Variants in MRPS6 observed in about 807,000 individuals in gnomAD.
MRPS6 encodes small ribosomal subunit protein bS6m.
Under a neutral mutation model 13.1 loss-of-function variants are expected in MRPS6, and 6 were observed. The ratio of observed to expected loss-of-function variants is 0.46; its 90% CI spans 0.25 to 0.91. The LOEUF (loss-of-function observed/expected upper bound fraction) is 0.91. Among genes scored for constraint, MRPS6 ranks in the 40% least tolerant of loss-of-function variants. The pLI is 0.18. For missense variants in MRPS6, 164 were observed against 155.6 expected (o/e 1.05, Z -0.29); for synonymous variants, 61 against 56.5 (o/e 1.08, Z -0.36).
intron 1 of MRPS6, chr21:34,097,502 A>G: frequency 7.1e-7 from 1 of 1,414,438 alleles, no homozygotes; most frequent in Non-Finnish European, 9.2e-7. Flanking sequence ...TAATTACAAG[A>G]CTTTATTTTC....
At chr21:34,117,610 A>T (rs959187182) in intron 1 of MRPS6, among the ~76,000 whole-genome samples, 2 of 152,168 alleles carry the variant, frequency 1.3e-5, no homozygotes, top group Admixed American at 6.6e-5. Flanking sequence ...CAGCTTGGAC[A>T]TACTTGTCTT....
chr21:34,093,955 C>T (rs1387072123), intron 1 of MRPS6, among the ~76,000 whole-genome samples: 7 of 152,108 alleles, frequency 4.6e-5, no homozygotes, highest in Non-Finnish European at 7.4e-5. Flanking sequence ...GAAAACTTTT[C>T]TCCTCCTCCC....
chr21:34,142,049 GAATA>G (rs1255356811), intron 2 of MRPS6, among the ~76,000 whole-genome samples: 2 of 152,172 alleles, frequency 1.3e-5, no homozygotes, highest in Non-Finnish European at 2.9e-5. Flanking sequence ...CAACATTAAT[GAATA>G]GTTTGGAAAA....
chr21:34,127,675 A>G (rs867910223), intron 2 of MRPS6, among the ~76,000 whole-genome samples: 2 of 152,214 alleles, frequency 1.3e-5, no homozygotes, highest in Non-Finnish European at 1.5e-5. Context: ...GCTTAAGGTT[A>G]GTCTGATATT....
chr21:34,140,877 A>C (rs570489324), intron 2 of MRPS6, among the ~76,000 whole-genome samples: 1 of 151,868 alleles, frequency 6.6e-6, no homozygotes, highest in African/African-American at 2.4e-5. Context: ...CTTGCTTTTG[A>C]TTAGTGTTTT....
chr21:34,102,080 G>A, intron 1 of MRPS6: 4 of 1,000,044 alleles, frequency 4.0e-6, no homozygotes, highest in Non-Finnish European at 4.8e-6. Flanking sequence ...GCTAGACTTG[G>A]TTAACTTAGG....
In MRPS6 at chr21:34,096,260, G is replaced by A; in HGVS notation, c.45+22515G>A. ...GCTCCAATATTGCTTACCCACGCCT[G>A]GTGATGAAGCTGGTTCCTGTGGGCC... On this transcript the variant is annotated intron_variant, in intron 1 of 2. Coordinates refer to ENST00000399312, the MANE Select transcript of MRPS6 (RefSeq NM_032476.4). The surrounding 1 kb of genome is among the most constrained non-coding windows in gnomAD (Gnocchi z 5.9). The A allele has an allele frequency of 6.2e-7, 1 of 1,614,128 alleles. No homozygotes were observed. The highest frequency in any genetic ancestry group is 8.5e-7 in the Non-Finnish European group (1 of 1,180,004).
chr21:34,091,014 T>C (rs897004386), intron 1 of MRPS6, among the ~76,000 whole-genome samples: 3 of 61,410 alleles, frequency 4.9e-5, no homozygotes, highest in African/African-American at 1.4e-4. Flanking sequence ...ACAAAAGTGA[T>C]TGTAATTCAG....
intron 1 of MRPS6, chr21:34,097,096 A>G (rs374941839): frequency 7.4e-6 from 12 of 1,613,974 alleles, no homozygotes; most frequent in African/African-American, 1.3e-5. Flanking sequence ...GCTTACTCCA[A>G]TGGGCAAGCA....
Position 34,136,333 on chromosome 21 carries a change from A to G in MRPS6, c.186-6075A>G, listed in dbSNP as rs1374479284. ...TGGCTAATTTTTGTATTTTTGGTAG[A>G]GGTAGGGTTTCACCATGTTGGTCAG... On this transcript the variant is annotated intron_variant, in intron 2 of 2. Coordinates refer to ENST00000399312, the MANE Select transcript of MRPS6 (RefSeq NM_032476.4). 2.6e-5 allele frequency among the ~76,000 whole-genome samples: 4 copies of G among 151,970 alleles called. No individual in the cohort carries two copies. In the East Asian group the frequency reaches 7.7e-4, roughly 29 times the overall value.
At chr21:34,086,010 A>C (rs1182020774) in intron 1 of MRPS6, among the ~76,000 whole-genome samples, 1 of 152,192 alleles carries the variant, frequency 6.6e-6, no homozygotes, top group African/African-American at 2.4e-5. Context: ...GTCTGTCTAC[A>C]GTTCTGGTTG....
At chr21:34,139,358 C>T (rs1468542422) in intron 2 of MRPS6, among the ~76,000 whole-genome samples, 2 of 151,976 alleles carry the variant, frequency 1.3e-5, no homozygotes, top group Non-Finnish European at 2.9e-5. Context: ...GGTATTTTTG[C>T]CTTAAATGTT....
intron 1 of MRPS6, among the ~76,000 whole-genome samples, chr21:34,108,142 A>G (rs1332717904): frequency 6.6e-6 from 1 of 152,192 alleles, no homozygotes; most frequent in African/African-American, 2.4e-5. Flanking sequence ...GGTGTAAACA[A>G]ACTCTGCTGC....
At position 34,118,901 on chromosome 21, in the gene MRPS6, C is replaced by G. The variant is rs73899976; in HGVS notation, c.46-6440C>G. On this transcript the variant is annotated intron_variant, in intron 1 of 2. Coordinates refer to ENST00000399312, the MANE Select transcript of MRPS6 (RefSeq NM_032476.4). ...TTAAATTTTAATAAGTGTTTTCTAT[C>G]TTTGACCTTTACAAAGCCTATAAAG... Among the ~76,000 whole-genome samples the G allele has an allele frequency of 4.3e-3, 656 of 152,208 alleles. 6 individuals carry two copies. The highest frequency in any genetic ancestry group is 0.015 in the African/African-American group (610 of 41,530).
chr21:34,105,019 T>G, intron 1 of MRPS6: 2 of 1,000,220 alleles, frequency 2.0e-6, no homozygotes, highest in Non-Finnish European at 2.4e-6. Context: ...TCTCTAACTT[T>G]TGAGTGGCAA....
intron 2 of MRPS6, among the ~76,000 whole-genome samples, chr21:34,130,877 T>C (rs1238326721): frequency 6.6e-6 from 1 of 151,916 alleles, no homozygotes; most frequent in East Asian, 1.9e-4. Context: ...AGCAACTTCA[T>C]AGAAGTGGTG....
At chr21:34,100,457 A>T in intron 1 of MRPS6, 1 of 1,000,268 alleles carries the variant, frequency 1.0e-6, no homozygotes, top group Non-Finnish European at 1.2e-6. Context: ...TTAGAGAAGC[A>T]TCAAGCAATA....
At position 34,137,486 on chromosome 21, in the gene MRPS6, A is replaced by AT. The variant is rs201949256; in HGVS notation, c.186-4914dup. On this transcript the variant is annotated intron_variant, in intron 2 of 2. Coordinates refer to ENST00000399312, the MANE Select transcript of MRPS6 (RefSeq NM_032476.4). Reference sequence around the variant, plus strand: ...CAATCCTGCTAAACTCATTAGTTCTATTTTTTTTATAGATTTCTTAATACT... The same window carrying AT: ...CAATCCTGCTAAACTCATTAGTTCTATTTTTTTTTATAGATTTCTTAATACT... Among the ~76,000 whole-genome samples the AT allele has an allele frequency of 8.5e-4, 129 of 152,072 alleles. 1 individual carries two copies. Among genetic ancestry groups the AT allele is most frequent in the African/African-American group, 2.4e-3 (101 of 41,498 alleles).
chr21:34,135,872 G>A (rs759065058), intron 2 of MRPS6: 6 of 545,966 alleles, frequency 1.1e-5, no homozygotes, highest in Admixed American at 2.4e-5. Flanking sequence ...TTGCAGAAGC[G>A]TTTGGCAGCA....
Sources: allele counts gnomAD v4.1 joint callset (sites outside exome capture counted in the v4.1 genomes callset), GRCh38; gene constraint gnomAD v4.1.1; non-coding constraint Gnocchi (gnomAD v3.1); transcripts MANE v1.5; gene names NCBI Gene and HGNC (gene_info 2026-07-23, HGNC 2026-07-21).